KALRN: variants seen among roughly 807,000 people sequenced by gnomAD.
KALRN encodes kalirin RhoGEF kinase.
In KALRN, 70 loss-of-function variants were observed where a neutral mutation model predicts 353.7. The observed-to-expected ratio is 0.20, with a 90% confidence interval of 0.16 to 0.24. The LOEUF is 0.24. KALRN is among the 10% of genes least tolerant of loss of function. The pLI is 1.00. For synonymous variants in KALRN, 1,391 were observed against 1,434.8 expected (o/e 0.97, Z 0.69); for missense variants, 2,791 against 3,756.7 (o/e 0.74, Z 6.72).
chr3:124,109,873 A>G (rs57423292), intron 1 of KALRN, among the ~76,000 whole-genome samples: 10 of 8,662 alleles, frequency 1.2e-3, no homozygotes, highest in African/African-American at 3.1e-3. Flanking sequence ...TGACATATAT[A>G]TCATACTTTG....
At chr3:124,392,789 A>T (rs1174082487) in intron 11 of KALRN, among the ~76,000 whole-genome samples, 11 of 145,848 alleles carry the variant, frequency 7.5e-5, no homozygotes, top group South Asian at 2.2e-4. Context: ...ATTTTTTTTT[A>T]TTTTTTTTTT....
intron 25 of KALRN, among the ~76,000 whole-genome samples, chr3:124,473,788 A>G (rs1179797030): frequency 6.6e-6 from 1 of 152,242 alleles, no homozygotes; most frequent in Non-Finnish European, 1.5e-5. Flanking sequence ...GTCAAAAGAT[A>G]AGCGCATTCA....
chr3:124,341,994 G>T (rs962968803), intron 9 of KALRN, among the ~76,000 whole-genome samples: 1 of 151,946 alleles, frequency 6.6e-6, no homozygotes, highest in Non-Finnish European at 1.5e-5. Flanking sequence ...GGTGTTGGGG[G>T]GTGAGGCAGG....
At chr3:124,316,206 C>T (rs2078791616) in intron 6 of KALRN, among the ~76,000 whole-genome samples, 1 of 152,134 alleles carries the variant, frequency 6.6e-6, no homozygotes, top group African/African-American at 2.4e-5. Flanking sequence ...CCATGGTTAC[C>T]CCCTTGATCC....
intron 47 of KALRN, among the ~76,000 whole-genome samples, chr3:124,667,739 G>T (rs1268091069): frequency 6.6e-6 from 1 of 152,156 alleles, no homozygotes; most frequent in East Asian, 1.9e-4. Context: ...AAAATTTGTG[G>T]TTACACAGAG....
chr3:124,534,516 T>A (rs1295387924), intron 33 of KALRN, among the ~76,000 whole-genome samples: 1 of 152,164 alleles, frequency 6.6e-6, no homozygotes, highest in Non-Finnish European at 1.5e-5. Flanking sequence ...ATTCTGCGTG[T>A]GTATCCCAGA....
chr3:124,567,824 A>G (rs2109994964), intron 34 of KALRN, among the ~76,000 whole-genome samples: 1 of 152,302 alleles, frequency 6.6e-6, no homozygotes, highest in East Asian at 1.9e-4. Context: ...AAAAGAAAAA[A>G]ATTAGCCGGG....
At chr3:124,134,321 T>C (rs926861826) in intron 1 of KALRN, among the ~76,000 whole-genome samples, 5 of 152,214 alleles carry the variant, frequency 3.3e-5, no homozygotes, top group African/African-American at 1.2e-4. Context: ...TATAATTGAC[T>C]ACCCACATGT....
At chr3:124,291,463 G>A (rs1295748719) in intron 5 of KALRN, among the ~76,000 whole-genome samples, 2 of 152,164 alleles carry the variant, frequency 1.3e-5, no homozygotes, top group Admixed American at 6.5e-5. Context: ...GCTGAACTTG[G>A]ATGTTAACTG....
chr3:124,481,652 C>CCT (rs1189063923), intron 27 of KALRN, among the ~76,000 whole-genome samples: 7 of 152,330 alleles, frequency 4.6e-5, no homozygotes, highest in Admixed American at 3.9e-4. Flanking sequence ...GGGTGTGCAT[C>CCT]CTCTGTACCA....
intron 37 of KALRN, among the ~76,000 whole-genome samples, chr3:124,637,726 G>T (rs567764215): frequency 6.6e-6 from 1 of 152,198 alleles, no homozygotes; most frequent in South Asian, 2.1e-4. Context: ...GCCTTCCAGC[G>T]TGCAAAGTCT....
At chr3:124,266,463 C>A (rs1219793414) in intron 4 of KALRN, among the ~76,000 whole-genome samples, 1 of 151,742 alleles carries the variant, frequency 6.6e-6, no homozygotes, top group Non-Finnish European at 1.5e-5. Context: ...TATATGTTTC[C>A]CCTGAGAATT....
chr3:124,415,893 C>T (rs1247836311), intron 14 of KALRN, among the ~76,000 whole-genome samples: 7 of 152,182 alleles, frequency 4.6e-5, no homozygotes, highest in Non-Finnish European at 1.0e-4. Context: ...AACAAAATCT[C>T]CAGGTAAATG....
At chr3:124,238,046 C>T (rs533272425) in intron 3 of KALRN, among the ~76,000 whole-genome samples, 2 of 152,264 alleles carry the variant, frequency 1.3e-5, no homozygotes, top group African/African-American at 2.4e-5. Context: ...TCCCACTCTC[C>T]TCTCTGTAGG....
chr3:124,408,016 G>A (rs901910823), intron 13 of KALRN, among the ~76,000 whole-genome samples: 18 of 152,056 alleles, frequency 1.2e-4, no homozygotes, highest in Admixed American at 4.6e-4. Context: ...CTCGTGATCC[G>A]CCCGCCTCAG....
chr3:124,488,461 A>G (rs1298127469), intron 29 of KALRN, 146 bp downstream of exon 29: 3 of 629,076 alleles, frequency 4.8e-6, no homozygotes, highest in South Asian at 3.9e-5. Flanking sequence ...GGCCCTTGTC[A>G]TGTGAGAGGG....
intron 13 of KALRN, chr3:124,410,088 C>T: frequency 2.4e-6 from 1 of 409,158 alleles, no homozygotes; most frequent in East Asian, 7.4e-5. Flanking sequence ...ATAGAAACAC[C>T]AGGTACAGAA....
intron 10 of KALRN, among the ~76,000 whole-genome samples, chr3:124,351,670 C>A (rs2082849401): frequency 6.6e-6 from 1 of 152,096 alleles, no homozygotes; most frequent in African/African-American, 2.4e-5. Flanking sequence ...GTGATTCTTA[C>A]CAGTGGTCAG....
At chr3:124,179,220 T>C (rs2073214512) in intron 1 of KALRN, among the ~76,000 whole-genome samples, 1 of 152,242 alleles carries the variant, frequency 6.6e-6, no homozygotes, top group African/African-American at 2.4e-5. Context: ...GGTGTATGGC[T>C]CTGCAAAAAT....
Sources: allele counts gnomAD v4.1 joint callset (sites outside exome capture counted in the v4.1 genomes callset), GRCh38; gene constraint gnomAD v4.1.1; transcripts MANE v1.5; gene names NCBI Gene and HGNC (gene_info 2026-07-23, HGNC 2026-07-21).